Variants in SCN11A observed in about 807,000 individuals in gnomAD.
The protein encoded by SCN11A is sodium voltage-gated channel alpha subunit 11, also known as sodium channel protein type 11 subunit alpha.
In SCN11A, 122 loss-of-function variants were observed where a neutral mutation model predicts 162.2. That is an observed-to-expected ratio of 0.75 (90% CI 0.65 to 0.87). SCN11A has a LOEUF of 0.87. SCN11A is among the 40% of genes least tolerant of loss of function. The pLI is 0.00. For synonymous variants in SCN11A, 758 were observed against 751.5 expected, an observed-to-expected ratio of 1.01 and a Z score of -0.14; for missense variants, 2,015 against 2,181.6, an observed-to-expected ratio of 0.92 and a Z score of 1.52.
At chr3:38,897,346 G>A in intron 17 of SCN11A, 121 bp from the exon 18 acceptor site, 1 of 945,592 alleles carries the variant, frequency 1.1e-6, no homozygotes, top group Non-Finnish European at 1.6e-6. Context: ...TCTCTTCAAA[G>A]TTAAATCTAT....
intron 2 of SCN11A, among the ~76,000 whole-genome samples, chr3:39,009,255 A>G (rs145560126): frequency 2.3e-4 from 35 of 152,198 alleles, no homozygotes; most frequent in African/African-American, 8.2e-4. Flanking sequence ...CATAAAATAC[A>G]TTTAGTATTT....
At chr3:38,916,381 A>C (rs1382201862) in intron 11 of SCN11A, among the ~76,000 whole-genome samples, 2 of 152,120 alleles carry the variant, frequency 1.3e-5, no homozygotes, top group Non-Finnish European at 2.9e-5. Context: ...AGCTTTCTTC[A>C]TCACCACTGT....
At chr3:39,030,164 G>A (rs942780052) in intron 2 of SCN11A, among the ~76,000 whole-genome samples, 6 of 152,170 alleles carry the variant, frequency 3.9e-5, no homozygotes, top group African/African-American at 1.4e-4. Context: ...AAGTGGGGAG[G>A]GGCATGGCGA....
At chr3:38,951,918 A>C (rs1198598176) in intron 4 of SCN11A, among the ~76,000 whole-genome samples, 1 of 152,094 alleles carries the variant, frequency 6.6e-6, no homozygotes, top group Non-Finnish European at 1.5e-5. Context: ...AAGAGAATAA[A>C]ATCAGGCTGC....
chr3:38,952,149 GC>G (rs1266706036), intron 4 of SCN11A, among the ~76,000 whole-genome samples: 1 of 152,132 alleles, frequency 6.6e-6, no homozygotes, highest in Admixed American at 6.5e-5. Flanking sequence ...TGCCTTAAGA[GC>G]CGTAACACTC....
chr3:38,905,253 T>A lies in SCN11A; in HGVS notation c.1542A>T (p.Gly514=). The A allele has an allele frequency of 1.2e-6, 2 of 1,614,110 alleles. No homozygotes were observed. The highest frequency in any genetic ancestry group is 1.7e-6 in the Non-Finnish European group (2 of 1,179,974). ...NLSLDHFDEH[G]DPLQRQRALS... ...GTGCTCTCTGCCTTTGGAGAGGATC[T>A]CCATGCTCATCAAAGTGGTCCAGTG... Residue 514 remains glycine, a synonymous_variant, in exon 15 of 30, where the codon GGA becomes GGT. Transcript: ENST00000302328.
chr3:39,036,530 G>A (rs1052720757), intron 1 of SCN11A, among the ~76,000 whole-genome samples: 1 of 152,148 alleles, frequency 6.6e-6, no homozygotes, highest in Admixed American at 6.5e-5. Context: ...AAAAGCTTCT[G>A]CACAGCAAAG....
At chr3:38,933,224 A>T (rs2066273872) in intron 7 of SCN11A, among the ~76,000 whole-genome samples, 1 of 152,204 alleles carries the variant, frequency 6.6e-6, no homozygotes, top group African/African-American at 2.4e-5. Context: ...ACCCATCTGT[A>T]CATCACCATC....
At chr3:38,959,998 G>A (rs981658316) in intron 3 of SCN11A, among the ~76,000 whole-genome samples, 1 of 152,148 alleles carries the variant, frequency 6.6e-6, no homozygotes, top group African/African-American at 2.4e-5. Context: ...AGGTCCAATT[G>A]CTGGCACAAA....
At chr3:38,880,360 C>T (rs1457935132) in intron 22 of SCN11A, among the ~76,000 whole-genome samples, 3 of 152,130 alleles carry the variant, frequency 2.0e-5, no homozygotes, top group Non-Finnish European at 2.9e-5. Context: ...TCCTCAACTG[C>T]TTATTACTGG....
intron 2 of SCN11A, among the ~76,000 whole-genome samples, chr3:39,027,197 G>A (rs1158455857): frequency 6.6e-6 from 1 of 152,104 alleles, no homozygotes; most frequent in Non-Finnish European, 1.5e-5. Flanking sequence ...GAACATCCCT[G>A]TCTTGTTTAC....
At chr3:38,916,872 G>C (rs2065968819) in intron 11 of SCN11A, among the ~76,000 whole-genome samples, 1 of 152,172 alleles carries the variant, frequency 6.6e-6, no homozygotes, top group African/African-American at 2.4e-5. Flanking sequence ...AAAGACCAAA[G>C]CCTGCCTGGA....
At chr3:38,958,282 A>T (rs1469040928) in intron 3 of SCN11A, among the ~76,000 whole-genome samples, 1 of 151,614 alleles carries the variant, frequency 6.6e-6, no homozygotes. Context: ...GAGGGCAGGG[A>T]TTTCTCTTCC....
chr3:38,931,102 G>A (rs929638206), intron 7 of SCN11A, among the ~76,000 whole-genome samples: 47 of 152,188 alleles, frequency 3.1e-4, no homozygotes, highest in African/African-American at 1.0e-3. Flanking sequence ...AGTAAGCAAC[G>A]AGTAGCAACC....
At chr3:38,874,406 T>C (rs921768093) in intron 23 of SCN11A, among the ~76,000 whole-genome samples, 2 of 152,140 alleles carry the variant, frequency 1.3e-5, no homozygotes, top group East Asian at 1.9e-4. Context: ...GAGACCAGCC[T>C]GGGCAACATG....
At chr3:38,997,576 C>T (rs2125596861) in intron 2 of SCN11A, among the ~76,000 whole-genome samples, 1 of 152,306 alleles carries the variant, frequency 6.6e-6, no homozygotes, top group Middle Eastern at 3.4e-3. Flanking sequence ...TATTCCTCTG[C>T]CCCCACTAGA....
intron 2 of SCN11A, among the ~76,000 whole-genome samples, chr3:39,016,322 G>T (rs2031287347): frequency 6.6e-6 from 1 of 152,202 alleles, no homozygotes; most frequent in African/African-American, 2.4e-5. Context: ...TTGTTCAGGG[G>T]TGATCCCCCA....
At chr3:38,960,732 G>A (rs1025986956) in intron 2 of SCN11A, among the ~76,000 whole-genome samples, 28 of 152,118 alleles carry the variant, frequency 1.8e-4, no homozygotes, top group African/African-American at 6.8e-4. Flanking sequence ...AGTGTTCTGG[G>A]GTCTCACCCC....
Position 38,896,782 on chromosome 3 carries a change from T to C in SCN11A, c.2403+63A>G, listed in dbSNP as rs376591415. ...TACTAGTAAAGTTTTGCAAATGAAG[T>C]AATGCATTTGAGAGGCATGTAGGAT... On this transcript the variant is annotated intron_variant, in intron 18 of 29. Coordinates refer to ENST00000302328, the MANE Select transcript of SCN11A (RefSeq NM_001349253.2). The C allele has an allele frequency of 1.2e-4, 161 of 1,307,582 alleles. 2 individuals carry two copies. The East Asian group carries it at 1.9e-3, about 16-fold the overall frequency. 81.0% of individuals were successfully genotyped at this position (1,307,582 alleles called of 1,614,324 possible).
Sources: gnomAD v4.1 joint callset for allele counts (sites outside exome capture counted in the v4.1 genomes callset) on GRCh38, gnomAD v4.1.1 for gene constraint, MANE v1.5 for transcripts, NCBI Gene and HGNC (gene_info 2026-07-23, HGNC 2026-07-21) for gene names.